The following SREBF2 variants were observed in gnomAD, a reference collection of about 807,000 sequenced individuals.
The protein encoded by SREBF2 is sterol regulatory element binding transcription factor 2, also known as sterol regulatory element-binding protein 2.
SREBF2 carries 55 observed loss-of-function variants against 113.1 expected under a neutral mutation model. The ratio of observed to expected loss-of-function variants is 0.49; its 90% CI spans 0.39 to 0.61. The LOEUF (loss-of-function observed/expected upper bound fraction) is 0.61. Ranked by LOEUF, SREBF2 falls within the 20% of genes least tolerant of loss-of-function variation. SREBF2 has a pLI of 0.00. For missense variants in SREBF2, 1,349 were observed against 1,487.4 expected (o/e 0.91, Z 1.53); for synonymous variants, 593 against 605.7 (o/e 0.98, Z 0.31).
At chr22:41,871,117 T>A in intron 4 of SREBF2, 82 bp downstream of exon 4, 1 of 1,553,950 alleles carries the variant, frequency 6.4e-7, no homozygotes, top group Non-Finnish European at 8.9e-7. Flanking sequence ...TAAATCTCTA[T>A]ATGCTGAGTA....
At chr22:41,875,854 T>C (rs958880256) in intron 7 of SREBF2, 130 bp downstream of exon 7, 1 of 1,098,640 alleles carries the variant, frequency 9.1e-7, no homozygotes, top group Non-Finnish European at 1.4e-6. Context: ...ACAGGAATTC[T>C]GTGAAATTAG....
At chr22:41,835,873 T>C (rs2076769800) in intron 1 of SREBF2, among the ~76,000 whole-genome samples, 1 of 151,324 alleles carries the variant, frequency 6.6e-6, no homozygotes, top group Admixed American at 6.6e-5. Context: ...AGTCCTCCTG[T>C]CTTGGCCTCC....
chr22:41,873,959 C>T lies in SREBF2; in HGVS notation c.1029C>T (p.Arg343=), dbSNP rs775602873. 6.2e-7 allele frequency: 1 copy of T among 1,614,140 alleles called. No individual in the cohort carries two copies. Among genetic ancestry groups the T allele is most frequent in the Non-Finnish European group, 8.5e-7 (1 of 1,180,022 alleles). The change falls in exon 5 of 19, where the codon CGC becomes CGT. Residue 343 remains arginine (R), a synonymous_variant. Transcript: ENST00000361204. The part of the protein sequence containing the change: ...TTHNIIEKRY[R]SSINDKIIEL... ...ATAATATCATTGAGAAACGATATCG[C>T]TCCTCCATCAATGACAAAATCATCG...
chr22:41,905,499 C>T lies in SREBF2; in HGVS notation c.3265C>T (p.Arg1089Cys), dbSNP rs372007376. 148 of 1,579,736 alleles carry T rather than the reference C, an allele frequency of 9.4e-5. 1 individual carries two copies. The East Asian group carries it at 2.1e-3, about 22-fold the overall frequency. Residue 1089 changes from arginine to cysteine, a missense_variant, in exon 19 of 19, where the codon CGC (arginine) becomes TGC (cysteine). Physicochemically the swap from Arg to Cys is radical, Grantham distance 180. Around this residue, in one of 2 missense-constraint regions of SREBF2, gnomAD observed 650 missense variants for 644.1 expected, o/e 1.01. Coordinates refer to ENST00000361204, the MANE Select transcript of SREBF2 (RefSeq NM_004599.4). ...ERATAILLAC[R>C]HLPLSFLSSP... ...GGCCACCGCCATCCTGCTGGCCTGC[C>T]GCCACCTGCCCCTCTCCTTCCTCTC... is the stretch of plus-strand genomic sequence containing the variant.
intron 5 of SREBF2, among the ~76,000 whole-genome samples, chr22:41,874,404 G>GAA (rs1253359507): frequency 5.3e-5 from 8 of 151,964 alleles, no homozygotes; most frequent in Non-Finnish European, 1.2e-4. Flanking sequence ...GGAAAAGAAA[G>GAA]AAAAAAGAGG....
intron 10 of SREBF2, among the ~76,000 whole-genome samples, 164 bp downstream of exon 10, chr22:41,881,156 G>A (rs2077242050): frequency 6.6e-6 from 1 of 152,218 alleles, no homozygotes; most frequent in Admixed American, 6.5e-5. Flanking sequence ...CTGTAAGGTT[G>A]GCTCTTTGCT....
intron 12 of SREBF2, 74 bp downstream of exon 12, chr22:41,893,359 A>C: frequency 1.4e-6 from 2 of 1,444,580 alleles, no homozygotes. Context: ...TCACTGCACC[A>C]GACACGCGGA....
chr22:41,864,263 C>T (rs58209398), intron 1 of SREBF2, among the ~76,000 whole-genome samples: 3,262 of 33,504 alleles, frequency 0.097, 215 homozygotes, highest in East Asian at 0.26. Context: ...TATATATATA[C>T]ACACACACAC....
intron 9 of SREBF2, among the ~76,000 whole-genome samples, chr22:41,879,241 T>G (rs1183794730): frequency 1.2e-4 from 19 of 152,208 alleles, no homozygotes; most frequent in Non-Finnish European, 2.6e-4. Context: ...TTGAACTGAA[T>G]AAGTATTTGA....
chr22:41,833,436 GC>G lies in SREBF2; in HGVS notation c.88+81del. ...CGGCGGCGCGCCCGGGTGCGCGTGCGCCCACCCCCCGACAGCCCCGGTTCGC... is the reference window on the plus strand; with the variant it reads ...CGGCGGCGCGCCCGGGTGCGCGTGCGCCACCCCCCGACAGCCCCGGTTCGC... On this transcript the variant is annotated intron_variant, in intron 1 of 18. Coordinates refer to ENST00000361204, the MANE Select transcript of SREBF2 (RefSeq NM_004599.4). This position sits in a 1 kb window ranked among gnomAD's most constrained non-coding sequence, Gnocchi z 4.1. The G allele has an allele frequency of 7.6e-7, 1 of 1,313,092 alleles. No homozygotes were observed. Among genetic ancestry groups the G allele is most frequent in the Non-Finnish European group, 1.0e-6 (1 of 953,766 alleles). 81.3% of individuals were successfully genotyped at this position (1,313,092 alleles called of 1,614,324 possible).
intron 9 of SREBF2, 82 bp from the exon 10 acceptor site, chr22:41,880,634 G>A: frequency 5.8e-6 from 9 of 1,557,906 alleles, no homozygotes; most frequent in Middle Eastern, 1.8e-4. Context: ...TGATAATTGG[G>A]GGCAGGGGGA....
chr22:41,833,370 GT>G lies in SREBF2; in HGVS notation c.88+13del. ...GGGAGACATCGACGGTGAGTGGTGGGTGGGTGGGAGTGCGGGGGCCGCGCGG... is the reference window on the plus strand; with the variant it reads ...GGGAGACATCGACGGTGAGTGGTGGGGGGTGGGAGTGCGGGGGCCGCGCGG... On this transcript the variant is annotated intron_variant, in intron 1 of 18. Transcript: ENST00000361204. This position sits in a 1 kb window ranked among gnomAD's most constrained non-coding sequence, Gnocchi z 4.1. The G allele has an allele frequency of 1.3e-6, 2 of 1,503,250 alleles. No individual in the cohort carries two copies. Among genetic ancestry groups the G allele is most frequent in the Non-Finnish European group, 1.8e-6 (2 of 1,115,288 alleles). 93.1% of individuals were successfully genotyped at this position (1,503,250 alleles called of 1,614,324 possible). A position where few individuals can be genotyped will look rare whatever the true frequency, so the allele number is the denominator to read the frequency against.
chr22:41,868,746 C>T lies in SREBF2; in HGVS notation c.674C>T (p.Pro225Leu). The change falls in exon 3 of 19, where the codon CCG becomes CTG. Residue 225 changes from proline to leucine, a missense_variant. By Grantham distance (98) the Pro-to-Leu change is moderately conservative. Transcript: ENST00000361204. ...AATGGCACGCTGCAGACCCTTGCCC[C>T]GGCTACGGTGCAGACAGTTGCTGCG... ...TANGTLQTLA[P>L]ATVQTVAAPQ... is the part of the protein sequence containing the mutation. The T allele has an allele frequency of 1.2e-6, 2 of 1,613,968 alleles. No homozygotes were observed. Among genetic ancestry groups the T allele is most frequent in the Non-Finnish European group, 1.7e-6 (2 of 1,179,956 alleles).
intron 7 of SREBF2, among the ~76,000 whole-genome samples, chr22:41,875,952 T>C (rs2077194255): frequency 1.3e-5 from 2 of 152,174 alleles, no homozygotes; most frequent in African/African-American, 4.8e-5. Flanking sequence ...ATAGGCCCCG[T>C]CAGAGAGGAA....
chr22:41,900,597 C>G (rs992253774), intron 16 of SREBF2, 99 bp downstream of exon 16: 2 of 1,288,176 alleles, frequency 1.6e-6, no homozygotes, highest in Non-Finnish European at 1.1e-6. Flanking sequence ...TGGGGCCATC[C>G]GAAAGACAGA....
At chr22:41,893,036 A>G (rs2077379324) in intron 11 of SREBF2, 81 bp from the exon 12 acceptor site, 12 of 1,536,792 alleles carry the variant, frequency 7.8e-6, no homozygotes, top group East Asian at 2.2e-5. Context: ...CACCTCCACC[A>G]TGGTGCTTTC....
intron 11 of SREBF2, among the ~76,000 whole-genome samples, chr22:41,890,487 A>T (rs1335435769): frequency 1.3e-5 from 2 of 152,094 alleles, no homozygotes; most frequent in Non-Finnish European, 2.9e-5. Flanking sequence ...ATGTTAGGGG[A>T]CACAACCTGG....
intron 11 of SREBF2, among the ~76,000 whole-genome samples, chr22:41,891,721 C>G (rs943954920): frequency 6.6e-6 from 1 of 152,176 alleles, no homozygotes; most frequent in African/African-American, 2.4e-5. Flanking sequence ...GTCTGCGGGC[C>G]TCGGCCTGGC....
chr22:41,868,186 C>T (rs2077104563), intron 2 of SREBF2, among the ~76,000 whole-genome samples: 1 of 152,094 alleles, frequency 6.6e-6, no homozygotes, highest in Admixed American at 6.6e-5. Flanking sequence ...TCTTATAGTT[C>T]TTCAATGGAG....
Sources: gnomAD v4.1 joint callset for allele counts (sites outside exome capture counted in the v4.1 genomes callset) on GRCh38, gnomAD v4.1.1 for gene constraint, gnomAD v4.1.1 regional missense constraint, Gnocchi (gnomAD v3.1) non-coding constraint, MANE v1.5 for transcripts, NCBI Gene and HGNC (gene_info 2026-07-23, HGNC 2026-07-21) for gene names.